MTMR9: variants seen among roughly 807,000 people sequenced by gnomAD.
The protein encoded by MTMR9 is myotubularin related protein 9, also known as myotubularin-related protein 9.
A neutral mutation model predicts 69.5 loss-of-function variants in MTMR9; 39 were observed. That is an observed-to-expected ratio of 0.56 (90% CI 0.43 to 0.73). The LOEUF (loss-of-function observed/expected upper bound fraction) is 0.73. MTMR9 is among the 30% of genes least tolerant of loss of function. The pLI, the probability that MTMR9 is intolerant of heterozygous loss-of-function variation, is 0.00. For synonymous variants in MTMR9, 354 were observed against 240.8 expected (o/e 1.47, Z -4.35); for missense variants, 900 against 671.2 (o/e 1.34, Z -3.77).
At chr8:11,290,584 T>G (rs1799347183) in intron 1 of MTMR9, among the ~76,000 whole-genome samples, 1 of 152,186 alleles carries the variant, frequency 6.6e-6, no homozygotes, top group African/African-American at 2.4e-5. Context: ...AGTTTTACTG[T>G]TCATTTTTAG....
At chr8:11,292,917 C>T (rs1055012270) in intron 1 of MTMR9, among the ~76,000 whole-genome samples, 1 of 152,122 alleles carries the variant, frequency 6.6e-6, no homozygotes, top group Non-Finnish European at 1.5e-5. Context: ...TATTTATAAA[C>T]GATCATAAAA....
At chr8:11,298,033 C>G (rs1799619762) in intron 2 of MTMR9, 1 of 430,678 alleles carries the variant, frequency 2.3e-6, no homozygotes, top group Non-Finnish European at 4.7e-6. Context: ...ATATATTCTG[C>G]TGCCTCACGT....
chr8:11,331,275 C>T, downstream of MTMR9: 1 of 1,614,014 alleles, frequency 6.2e-7, no homozygotes, highest in Non-Finnish European at 8.5e-7. Context: ...CGTGGGCCCC[C>T]TTTCTCGTAT....
chr8:11,285,471 C>G (rs890328068), intron 1 of MTMR9, among the ~76,000 whole-genome samples: 1 of 152,168 alleles, frequency 6.6e-6, no homozygotes, highest in African/African-American at 2.4e-5. Context: ...CTGAGGAAAA[C>G]TAAACAGATT....
chr8:11,289,825 A>G (rs929344874), intron 1 of MTMR9, among the ~76,000 whole-genome samples: 1 of 152,204 alleles, frequency 6.6e-6, no homozygotes, highest in South Asian at 2.1e-4. Context: ...CAACCATTTC[A>G]CTGCTTCTGA....
chr8:11,322,523 A>G (rs943423853), intron 9 of MTMR9, 102 bp from the exon 10 acceptor site: 1 of 979,292 alleles, frequency 1.0e-6, no homozygotes, highest in Non-Finnish European at 1.5e-6. Context: ...AACAAAAGAA[A>G]AAAGAATGTA....
downstream of MTMR9, among the ~76,000 whole-genome samples, chr8:11,329,269 C>T (rs970436193): frequency 2.6e-5 from 4 of 152,228 alleles, no homozygotes; most frequent in African/African-American, 9.6e-5. Flanking sequence ...TGGTGCTCAT[C>T]TGCAGTCCTT....
intron 2 of MTMR9, among the ~76,000 whole-genome samples, chr8:11,299,822 G>C (rs942184830): frequency 4.1e-5 from 4 of 97,636 alleles, no homozygotes; most frequent in African/African-American, 1.7e-4. Flanking sequence ...TTATGTGGCA[G>C]ATGCCTTTGT....
At chr8:11,287,881 C>A (rs529469454) in intron 1 of MTMR9, among the ~76,000 whole-genome samples, 2 of 117,620 alleles carry the variant, frequency 1.7e-5, no homozygotes, top group Admixed American at 9.9e-5. Flanking sequence ...TAATATATAA[C>A]ATATATAATA....
chr8:11,317,431 G>A (rs897947265), intron 8 of MTMR9: 2 of 152,180 alleles, frequency 1.3e-5, no homozygotes, highest in African/African-American at 2.4e-5. Context: ...TCAGGCATTA[G>A]ATTCTCATAA....
chr8:11,306,396 G>T lies in MTMR9; in HGVS notation c.798G>T (p.Lys266Asn). The T allele has an allele frequency of 6.2e-7, 1 of 1,613,876 alleles. No individual in the cohort carries two copies. Among genetic ancestry groups the T allele is most frequent in the Non-Finnish European group, 8.5e-7 (1 of 1,179,786 alleles). The change falls in exon 5 of 10, where the codon AAG becomes AAT. Residue 266 changes from lysine to asparagine, a missense_variant. Coordinates refer to ENST00000221086, the MANE Select transcript of MTMR9 (RefSeq NM_015458.4). ...ATCCTCAGTGGAGGCGAATTCATAA[G>T]TCCATTGAGAGGTAAAAGATTCCAA... is the stretch of plus-strand genomic sequence containing the variant. ...AHYPQWRRIH[K>N]SIERYHILQE...
chr8:11,300,524 A>C (rs552410815), intron 3 of MTMR9: 1 of 152,870 alleles, frequency 6.5e-6, no homozygotes, highest in South Asian at 2.1e-4. Flanking sequence ...TTACAGCTTT[A>C]AAATTTTTAC....
At chr8:11,331,042 A>G (rs1311827087), downstream of MTMR9, 8 of 1,533,962 alleles carry the variant, frequency 5.2e-6, no homozygotes, top group East Asian at 2.3e-5. Context: ...TGAGGTCACA[A>G]TGGCTGGAGC....
rs779696269 is a variant in MTMR9, at chr8:11,328,124, T to C, written c.*5336T>C. On this transcript the variant is annotated 3_prime_UTR_variant, in exon 10 of 10. Transcript: ENST00000221086. The stretch of plus-strand genomic sequence containing the variant: ...AGACGATGGTAATAAAATCTGAATA[T>C]ATTTAAGTGCTAATAAATTAAATCT... 4 of 151,882 alleles carry C rather than the reference T, an allele frequency of 2.6e-5. No individual in the cohort carries two copies. The highest frequency in any genetic ancestry group is 9.7e-5 in the African/African-American group (4 of 41,330). 9.4% of individuals were successfully genotyped at this position (151,882 alleles called of 1,614,324 possible).
chr8:11,291,080 G>A (rs529345994), intron 1 of MTMR9, among the ~76,000 whole-genome samples: 2 of 152,026 alleles, frequency 1.3e-5, no homozygotes, highest in Non-Finnish European at 2.9e-5. Context: ...TAATCAAAAT[G>A]AGGACAAAAT....
intron 1 of MTMR9, among the ~76,000 whole-genome samples, chr8:11,293,804 T>C (rs1452968102): frequency 6.6e-6 from 1 of 152,178 alleles, no homozygotes; most frequent in Non-Finnish European, 1.5e-5. Context: ...GCACCATTTG[T>C]TGAAAAGACT....
chr8:11,323,942 C>A lies in MTMR9; in HGVS notation c.*1154C>A, dbSNP rs964535917. ...TTTGAGTGTTTCAGTATTATAGAAA[C>A]AGTGATGACTATTCATGCTCTGCTA... On this transcript the variant is annotated 3_prime_UTR_variant, in exon 10 of 10. Transcript: ENST00000221086. The A allele has an allele frequency of 6.6e-6, 1 of 152,180 alleles. No homozygotes were observed. The highest frequency in any genetic ancestry group is 6.5e-5 in the Admixed American group (1 of 15,280). 9.4% of individuals were successfully genotyped at this position (152,180 alleles called of 1,614,324 possible).
Position 11,322,698 on chromosome 8 carries a change from A to C in MTMR9, c.1560A>C (p.Glu520Asp). Residue 520 changes from glutamate to aspartate, a missense_variant, in exon 10 of 10, where the codon GAA (glutamate) becomes GAC (aspartate). Coordinates refer to ENST00000221086, the MANE Select transcript of MTMR9 (RefSeq NM_015458.4). ...EAYEEMVNIIEYNKELQAKVN... is the reference protein window; with the variant it reads ...EAYEEMVNIIDYNKELQAKVN... ...ATGAAGAAATGGTTAACATCATTGAATATAATAAAGAATTACAAGCAAAAG... is the reference window on the plus strand; with the variant it reads ...ATGAAGAAATGGTTAACATCATTGACTATAATAAAGAATTACAAGCAAAAG... The C allele has an allele frequency of 6.2e-7, 1 of 1,614,000 alleles. No individual in the cohort carries two copies. The highest frequency in any genetic ancestry group is 1.3e-5 in the African/African-American group (1 of 75,062).
Position 11,322,713 on chromosome 8 carries a change from A to G in MTMR9, c.1575A>G (p.Leu525=). The G allele has an allele frequency of 6.2e-7, 1 of 1,614,164 alleles. No homozygotes were observed. Among genetic ancestry groups the G allele is most frequent in the Non-Finnish European group, 8.5e-7 (1 of 1,179,976 alleles). The part of the protein sequence containing the change: ...MVNIIEYNKE[L]QAKVNILRRQ... Reference sequence around the variant, plus strand: ...ACATCATTGAATATAATAAAGAATTACAAGCAAAAGTCAATATCCTTCGAA... The same window carrying G: ...ACATCATTGAATATAATAAAGAATTGCAAGCAAAAGTCAATATCCTTCGAA... Residue 525 remains leucine, a synonymous_variant, in exon 10 of 10, where the codon TTA becomes TTG. Transcript: ENST00000221086.
Sources: gnomAD v4.1 joint callset for allele counts (sites outside exome capture counted in the v4.1 genomes callset) on GRCh38, gnomAD v4.1.1 for gene constraint, MANE v1.5 for transcripts, NCBI Gene and HGNC (gene_info 2026-07-23, HGNC 2026-07-21) for gene names.